Variants in PITPNC1 observed in about 807,000 individuals in gnomAD.
The protein encoded by PITPNC1 is phosphatidylinositol transfer protein cytoplasmic 1.
PITPNC1 carries 18 observed loss-of-function variants against 44.7 expected under a neutral mutation model. That is an observed-to-expected ratio of 0.40 (90% CI 0.28 to 0.60). The LOEUF (loss-of-function observed/expected upper bound fraction) is 0.60, where lower values mean the gene tolerates loss of function less well. PITPNC1 is among the 20% of genes least tolerant of loss of function. The pLI, the probability that PITPNC1 is intolerant of heterozygous loss-of-function variation, is 0.39. For synonymous variants in PITPNC1, 141 were observed against 149.6 expected (o/e 0.94, Z 0.42); for missense variants, 290 against 418.4 (o/e 0.69, Z 2.68).
chr17:67,669,221 C>T (rs1014998625), intron 6 of PITPNC1, among the ~76,000 whole-genome samples: 2 of 152,212 alleles, frequency 1.3e-5, no homozygotes. Context: ...ATTCTCCTGC[C>T]TTAGCCTCCC....
intron 1 of PITPNC1, among the ~76,000 whole-genome samples, chr17:67,411,254 G>A (rs571973644): frequency 3.0e-4 from 46 of 152,068 alleles, no homozygotes; most frequent in Admixed American, 1.2e-3. Context: ...ATAGTATCAT[G>A]TGAAAGGGTT....
chr17:67,505,755 G>A (rs1225598677), intron 1 of PITPNC1, among the ~76,000 whole-genome samples: 2 of 152,130 alleles, frequency 1.3e-5, no homozygotes, highest in Non-Finnish European at 2.9e-5. Flanking sequence ...GATTACAGAC[G>A]TGAGCCACCG....
chr17:67,657,630 A>G (rs75214425), intron 6 of PITPNC1, among the ~76,000 whole-genome samples: 77 of 150,812 alleles, frequency 5.1e-4, no homozygotes, highest in African/African-American at 1.7e-3. Context: ...CCAAATTACC[A>G]CTTTCAGCTT....
intron 4 of PITPNC1, among the ~76,000 whole-genome samples, chr17:67,577,104 A>G (rs375662220): frequency 1.3e-4 from 19 of 151,940 alleles, no homozygotes; most frequent in African/African-American, 4.6e-4. Context: ...CAACAGAGAG[A>G]GACCCTTGCC....
chr17:67,495,461 A>G (rs1338199445), intron 1 of PITPNC1, among the ~76,000 whole-genome samples: 1 of 152,044 alleles, frequency 6.6e-6, no homozygotes, highest in South Asian at 2.1e-4. Flanking sequence ...GGTTTGTTGT[A>G]CAGATTATTT....
intron 1 of PITPNC1, among the ~76,000 whole-genome samples, chr17:67,380,078 CTTTT>C (rs527469040): frequency 1.4e-5 from 2 of 139,648 alleles, no homozygotes; most frequent in African/African-American, 2.6e-5. Flanking sequence ...CTTTTCTTTT[CTTTT>C]TTTTTTTTTT....
chr17:67,419,263 G>A (rs1035112867), intron 1 of PITPNC1, among the ~76,000 whole-genome samples: 41 of 152,256 alleles, frequency 2.7e-4, no homozygotes, highest in Non-Finnish European at 1.9e-4. Flanking sequence ...ACATGTGGTG[G>A]AGAAATGGAA....
chr17:67,467,382 T>C (rs1173108804), intron 1 of PITPNC1, among the ~76,000 whole-genome samples: 5 of 152,134 alleles, frequency 3.3e-5, no homozygotes, highest in African/African-American at 1.2e-4. Context: ...AACTAAAATA[T>C]CTTTTCAGAT....
At chr17:67,553,311 G>A (rs1598813050) in intron 3 of PITPNC1, 1 of 246,320 alleles carries the variant, frequency 4.1e-6, no homozygotes, top group East Asian at 7.2e-5. Flanking sequence ...GGAATTATTA[G>A]TCTTTCATTT....
chr17:67,448,166 C>T (rs1030706483), intron 1 of PITPNC1, among the ~76,000 whole-genome samples: 4 of 151,980 alleles, frequency 2.6e-5, no homozygotes, highest in Non-Finnish European at 4.4e-5. Context: ...AGGCTGGTGT[C>T]GAACTTCTGA....
At chr17:67,397,281 G>A (rs922215804) in intron 1 of PITPNC1, among the ~76,000 whole-genome samples, 1 of 151,978 alleles carries the variant, frequency 6.6e-6, no homozygotes, top group Admixed American at 6.6e-5. Context: ...ACGCCTGGCC[G>A]TGACCATCTT....
chr17:67,540,122 G>C (rs998634467), intron 2 of PITPNC1, among the ~76,000 whole-genome samples: 2 of 146,536 alleles, frequency 1.4e-5, no homozygotes, highest in Admixed American at 1.4e-4. Flanking sequence ...TTATTTTTTC[G>C]AGATGGAGTC....
At chr17:67,674,240 A>G (rs1205706110) in intron 7 of PITPNC1, among the ~76,000 whole-genome samples, 2 of 152,108 alleles carry the variant, frequency 1.3e-5, no homozygotes, top group Non-Finnish European at 2.9e-5. Flanking sequence ...GAAGTGGCTC[A>G]CACCTGTAAT....
At chr17:67,486,383 A>C (rs1478205748) in intron 1 of PITPNC1, among the ~76,000 whole-genome samples, 1 of 152,202 alleles carries the variant, frequency 6.6e-6, no homozygotes, top group African/African-American at 2.4e-5. Flanking sequence ...GCCTTTAATG[A>C]GTAATGTAGA....
intron 5 of PITPNC1, among the ~76,000 whole-genome samples, chr17:67,586,186 G>T (rs1460938422): frequency 6.6e-6 from 1 of 152,192 alleles, no homozygotes; most frequent in African/African-American, 2.4e-5. Context: ...CCATGGCAGA[G>T]TGTGGATTTC....
chr17:67,693,355 A>G lies in PITPNC1; in HGVS notation c.*467A>G, dbSNP rs775974697. On this transcript the variant is annotated 3_prime_UTR_variant, in exon 9 of 9. Coordinates refer to ENST00000581322, the MANE Select transcript of PITPNC1 (RefSeq NM_012417.4). ...GCTAATTACTAATACTTGAATACCAATAGTTACTGAGATTCCTATTTTGTG... is the reference window on the plus strand; with the variant it reads ...GCTAATTACTAATACTTGAATACCAGTAGTTACTGAGATTCCTATTTTGTG... 55 of 153,302 alleles carry G rather than the reference A, an allele frequency of 3.6e-4. No individual in the cohort carries two copies. The highest frequency in any genetic ancestry group is 4.5e-4 in the Non-Finnish European group (31 of 68,510). The allele number at this position is 153,302 out of a possible 1,614,324, so 9.5% of individuals were successfully genotyped here. A position where few individuals can be genotyped will look rare whatever the true frequency, so the allele number is the denominator to read the frequency against.
At chr17:67,384,055 C>T (rs7219229) in intron 1 of PITPNC1, among the ~76,000 whole-genome samples, 39,399 of 151,812 alleles carry the variant, frequency 0.26, 5,459 homozygotes, top group African/African-American at 0.34. Flanking sequence ...CAAAAACAAA[C>T]GAACAAACAA....
intron 6 of PITPNC1, among the ~76,000 whole-genome samples, chr17:67,641,792 T>TAAC (rs2042095893): frequency 6.9e-6 from 1 of 144,420 alleles, no homozygotes; most frequent in African/African-American, 2.6e-5. Flanking sequence ...AAAATAATAA[T>TAAC]AATAATAATA....
At position 67,405,965 on chromosome 17, in the gene PITPNC1, T is replaced by C. The variant is rs561967477; in HGVS notation, c.48+27763T>C. ...TCCCAGACCTTCTGTACATATGACA[T>C]TATAGATGATTTAGTCTTCAATAAC... On this transcript the variant is annotated intron_variant, in intron 1 of 8. Transcript: ENST00000581322. Among the ~76,000 whole-genome samples the C allele has an allele frequency of 4.6e-5, 7 of 152,254 alleles. No homozygotes were observed. In the South Asian group the frequency reaches 1.5e-3, roughly 32 times the overall value.
Sources: allele counts gnomAD v4.1 joint callset (sites outside exome capture counted in the v4.1 genomes callset), GRCh38; gene constraint gnomAD v4.1.1; transcripts MANE v1.5; gene names NCBI Gene and HGNC (gene_info 2026-07-23, HGNC 2026-07-21).